BANK1: variants seen among roughly 807,000 people sequenced by gnomAD.
The protein encoded by BANK1 is B-cell scaffold protein with ankyrin repeats.
A neutral mutation model predicts 94.5 loss-of-function variants in BANK1; 95 were observed. That is an observed-to-expected ratio of 1.00 (90% CI 0.85 to 1.19). The LOEUF (loss-of-function observed/expected upper bound fraction) is 1.19, where lower values mean the gene tolerates loss of function less well. Ranked by LOEUF, BANK1 falls within the 50% of genes most tolerant of loss-of-function variation. BANK1 has a pLI of 0.00. For synonymous variants in BANK1, 334 were observed against 308.4 expected, an observed-to-expected ratio of 1.08 and a Z score of -0.87; for missense variants, 987 against 932.2, an observed-to-expected ratio of 1.06 and a Z score of -0.77.
At chr4:101,802,583 T>C (rs10446708) in intron 1 of BANK1, among the ~76,000 whole-genome samples, 40,806 of 152,058 alleles carry the variant, frequency 0.27, 5,793 homozygotes, top group Non-Finnish European at 0.32. Flanking sequence ...TCACTAAGGA[T>C]GTATTTTGTG....
At chr4:101,845,422 A>G (rs1326189238) in intron 2 of BANK1, among the ~76,000 whole-genome samples, 1 of 152,176 alleles carries the variant, frequency 6.6e-6, no homozygotes, top group Non-Finnish European at 1.5e-5. Context: ...AAACATGCCA[A>G]AAAAAGCCTG....
chr4:102,028,634 C>T (rs1251552554), intron 9 of BANK1, among the ~76,000 whole-genome samples: 1 of 152,062 alleles, frequency 6.6e-6, no homozygotes, highest in Non-Finnish European at 1.5e-5. Flanking sequence ...AAGAAAAAGC[C>T]TTCATTGGCC....
intron 1 of BANK1, among the ~76,000 whole-genome samples, chr4:101,808,522 AATC>A (rs1725635843): frequency 6.6e-6 from 1 of 152,218 alleles, no homozygotes; most frequent in South Asian, 2.1e-4. Context: ...GTTATTTAAA[AATC>A]ATCAAAGCTG....
chr4:101,950,090 T>C (rs1724098243), intron 7 of BANK1, among the ~76,000 whole-genome samples: 1 of 151,236 alleles, frequency 6.6e-6, no homozygotes, highest in Admixed American at 6.6e-5. Context: ...CCTACACAAA[T>C]GAGACCCTAA....
At chr4:101,938,324 G>T (rs1723641113) in intron 7 of BANK1, among the ~76,000 whole-genome samples, 1 of 151,604 alleles carries the variant, frequency 6.6e-6, no homozygotes, top group Non-Finnish European at 1.5e-5. Context: ...ATGGGGGAAA[G>T]TGGGGATGAC....
chr4:101,791,725 T>G (rs1478919057), intron 1 of BANK1, among the ~76,000 whole-genome samples: 1 of 152,242 alleles, frequency 6.6e-6, no homozygotes, highest in African/African-American at 2.4e-5. Flanking sequence ...GTTTCTTAAT[T>G]TGCTGAATAG....
At chr4:101,946,324 C>T (rs1235450804) in intron 7 of BANK1, among the ~76,000 whole-genome samples, 2 of 152,054 alleles carry the variant, frequency 1.3e-5, no homozygotes, top group African/African-American at 4.8e-5. Context: ...TGTGAGTCTA[C>T]GTTTGTTCCA....
At chr4:101,898,810 C>T (rs957068228) in intron 6 of BANK1, among the ~76,000 whole-genome samples, 12 of 151,916 alleles carry the variant, frequency 7.9e-5, no homozygotes, top group Admixed American at 4.6e-4. Context: ...TTTTATTCCT[C>T]TCTAGACAAT....
intron 1 of BANK1, 26 bp from the exon 2 acceptor site, chr4:101,829,782 T>A: frequency 7.0e-7 from 1 of 1,422,574 alleles, no homozygotes. Flanking sequence ...ATTGCAAATA[T>A]AAGAAAATAT....
rs371957177 is a variant in BANK1, at chr4:101,898,616, T to C, written c.1009+3206T>C. On this transcript the variant is annotated intron_variant, in intron 6 of 16. Coordinates refer to ENST00000322953, the MANE Select transcript of BANK1 (RefSeq NM_017935.5). ...ATTGACCTACCGTAAGGATTTGTCA[T>C]GGAATTACCTGCAGATACCTATGGT... Among the ~76,000 whole-genome samples, 12 of 152,186 alleles carry C rather than the reference T, an allele frequency of 7.9e-5. No individual in the cohort carries two copies. In the East Asian group the frequency reaches 1.5e-3, roughly 20 times the overall value.
intron 1 of BANK1, among the ~76,000 whole-genome samples, chr4:101,803,723 C>T (rs931440935): frequency 6.6e-6 from 1 of 151,940 alleles, no homozygotes; most frequent in African/African-American, 2.4e-5. Flanking sequence ...AAAGGCCGGG[C>T]GCGGTGGCTC....
chr4:101,884,215 A>T (rs1359916283), intron 5 of BANK1, among the ~76,000 whole-genome samples: 1 of 152,212 alleles, frequency 6.6e-6, no homozygotes, highest in Admixed American at 6.5e-5. Context: ...TTGGTACCTT[A>T]GGTAGCAAAA....
At chr4:101,824,130 GTTAT>G (rs1236688186) in intron 1 of BANK1, among the ~76,000 whole-genome samples, 1 of 152,210 alleles carries the variant, frequency 6.6e-6, no homozygotes, top group Admixed American at 6.6e-5. Context: ...GATAAGCTGA[GTTAT>G]TTACACATTT....
At chr4:101,936,107 G>C (rs1041101549) in intron 7 of BANK1, among the ~76,000 whole-genome samples, 1 of 150,702 alleles carries the variant, frequency 6.6e-6, no homozygotes, top group Admixed American at 6.6e-5. Flanking sequence ...CAAAGTGAAG[G>C]GACAACCCAC....
intron 7 of BANK1, among the ~76,000 whole-genome samples, chr4:101,953,030 T>C (rs1724225703): frequency 6.6e-6 from 1 of 152,012 alleles, no homozygotes; most frequent in African/African-American, 2.4e-5. Flanking sequence ...TCTGCACCAA[T>C]AGAGGACACC....
chr4:101,983,530 T>C (rs557257392), intron 7 of BANK1, among the ~76,000 whole-genome samples: 122 of 152,242 alleles, frequency 8.0e-4, no homozygotes, highest in Non-Finnish European at 1.5e-3. Context: ...CTTACAACAA[T>C]GCCTGGCAGC....
At position 101,832,821 on chromosome 4, in the gene BANK1, A is replaced by G. The variant is rs996904067; in HGVS notation, c.469+2615A>G. On this transcript the variant is annotated intron_variant, in intron 2 of 16. Transcript: ENST00000322953. The stretch of plus-strand genomic sequence containing the variant: ...GTAACGTGTTTAGTTTTTGCTCCCC[A>G]TCTCCATTGGTTTTCTCCTTTCCTC... Among the ~76,000 whole-genome samples, 7 of 151,558 alleles carry G rather than the reference A, an allele frequency of 4.6e-5. No individual in the cohort carries two copies. The East Asian group carries it at 1.2e-3, about 25-fold the overall frequency.
intron 7 of BANK1, among the ~76,000 whole-genome samples, chr4:101,937,445 C>T (rs991548141): frequency 2.0e-5 from 3 of 151,690 alleles, no homozygotes; most frequent in Admixed American, 6.6e-5. Flanking sequence ...GAACAGACAC[C>T]TCTCAAAAGA....
chr4:101,919,107 C>T (rs1016750999), intron 7 of BANK1, among the ~76,000 whole-genome samples: 2 of 151,898 alleles, frequency 1.3e-5, no homozygotes, highest in African/African-American at 2.4e-5. Flanking sequence ...TAATTGTTCA[C>T]TGTATGCAGG....
Sources: gnomAD v4.1 joint callset for allele counts (sites outside exome capture counted in the v4.1 genomes callset) on GRCh38, gnomAD v4.1.1 for gene constraint, MANE v1.5 for transcripts, NCBI Gene and HGNC (gene_info 2026-07-23, HGNC 2026-07-21) for gene names.